Variants in MYT1L observed in about 807,000 individuals in gnomAD.
The protein encoded by MYT1L is myelin transcription factor 1-like protein.
In MYT1L, 12 loss-of-function variants were observed where a neutral mutation model predicts 126.7. That is an observed-to-expected ratio of 0.09 (90% confidence interval 0.06 to 0.15). The LOEUF (loss-of-function observed/expected upper bound fraction) is 0.15. MYT1L is among the 10% of genes least tolerant of loss of function. MYT1L has a pLI of 1.00. For synonymous variants in MYT1L, 541 were observed against 604.2 expected, an observed-to-expected ratio of 0.90 and a Z score of 1.53; for missense variants, 979 against 1,585.2, an observed-to-expected ratio of 0.62 and a Z score of 6.49.
intron 1 of MYT1L, among the ~76,000 whole-genome samples, chr2:2,328,830 TGTATAATGGCAGATGGAAA>T (rs1573633480): frequency 6.6e-6 from 1 of 152,230 alleles, no homozygotes; most frequent in Admixed American, 6.5e-5. Context: ...GTAAAATATG[TGTATAATGGCAGATGGAAA>T]GTCTTTACTA....
intron 5 of MYT1L, among the ~76,000 whole-genome samples, chr2:1,996,684 C>T (rs13386494): frequency 4.9e-5 from 6 of 122,914 alleles, no homozygotes; most frequent in African/African-American, 9.7e-5. Flanking sequence ...GTGTGGGCTG[C>T]ACAGAACCGA....
At chr2:2,277,482 A>G (rs2095380477) in intron 2 of MYT1L, among the ~76,000 whole-genome samples, 1 of 152,222 alleles carries the variant, frequency 6.6e-6, no homozygotes, top group Non-Finnish European at 1.5e-5. Flanking sequence ...CAGGTGCATC[A>G]TGGCCAGAAC....
At chr2:1,985,796 T>G (rs2060968107) in intron 5 of MYT1L, among the ~76,000 whole-genome samples, 1 of 152,160 alleles carries the variant, frequency 6.6e-6, no homozygotes, top group Non-Finnish European at 1.5e-5. Flanking sequence ...AGAGGGGAGC[T>G]CCATCATTTT....
At chr2:2,284,816 G>A (rs541064040) in intron 1 of MYT1L, among the ~76,000 whole-genome samples, 1 of 152,080 alleles carries the variant, frequency 6.6e-6, no homozygotes, top group South Asian at 2.1e-4. Context: ...CGATTCTCCT[G>A]CCTCAGCCTC....
intron 1 of MYT1L, among the ~76,000 whole-genome samples, chr2:2,296,001 C>T (rs952952851): frequency 2.0e-5 from 3 of 152,142 alleles, no homozygotes; most frequent in African/African-American, 7.2e-5. Context: ...ATTCCAAAGG[C>T]TGGCAACCCA....
At chr2:2,105,942 C>T (rs1435413025) in intron 3 of MYT1L, among the ~76,000 whole-genome samples, 2 of 152,150 alleles carry the variant, frequency 1.3e-5, no homozygotes, top group Non-Finnish European at 2.9e-5. Flanking sequence ...ATTCCCGAGA[C>T]AGGGTGATTC....
intron 2 of MYT1L, among the ~76,000 whole-genome samples, chr2:2,199,927 CA>C (rs1392004061): frequency 9.2e-5 from 14 of 152,178 alleles, no homozygotes; most frequent in Admixed American, 9.2e-4. Context: ...AGTGCTCCAA[CA>C]TTTCATCCAG....
At chr2:1,914,107 A>G (rs2052464483) in intron 11 of MYT1L, among the ~76,000 whole-genome samples, 1 of 152,020 alleles carries the variant, frequency 6.6e-6, no homozygotes, top group Admixed American at 6.5e-5. Flanking sequence ...TACAAAAATT[A>G]GCCAGCCGTG....
Position 1,979,221 on chromosome 2 carries a change from G to A in MYT1L, c.96C>T (p.Pro32=), listed in dbSNP as rs1395011808. 1.2e-6 allele frequency: 2 copies of A among 1,613,676 alleles called. No homozygotes were observed. The highest frequency in any genetic ancestry group is 1.7e-6 in the Non-Finnish European group (2 of 1,179,826). The change falls in exon 8 of 25, where the codon CCC becomes CCT. Residue 32 remains proline (P), a synonymous_variant. Coordinates refer to ENST00000647738, the MANE Select transcript of MYT1L (RefSeq NM_001303052.2). This position sits in a 1 kb window ranked among gnomAD's most constrained non-coding sequence, Gnocchi z 4.0. ...EPAIQELFSC[P]TPGCDGSGHV... ...GACCACTGCCGTCACAGCCAGGGGT[G>A]GGACAGCTGCAACAGGAAAGAATGG...
At chr2:2,076,823 C>T (rs199677737) in intron 3 of MYT1L, among the ~76,000 whole-genome samples, 1 of 141,518 alleles carries the variant, frequency 7.1e-6, no homozygotes, top group African/African-American at 2.7e-5. Flanking sequence ...CACACACACA[C>T]GAGAGAAAAA....
intron 3 of MYT1L, among the ~76,000 whole-genome samples, chr2:2,161,681 G>C (rs967281240): frequency 1.3e-5 from 2 of 152,202 alleles, no homozygotes; most frequent in Admixed American, 1.3e-4. Flanking sequence ...CTGGGTATGC[G>C]GCAATAGAGC....
intron 1 of MYT1L, among the ~76,000 whole-genome samples, chr2:2,297,187 C>T (rs981776713): frequency 6.6e-6 from 1 of 152,242 alleles, no homozygotes. Context: ...TCACCCGTGG[C>T]GCCGCTCTGA....
chr2:2,025,635 T>C (rs2065465123), intron 4 of MYT1L, among the ~76,000 whole-genome samples: 1 of 152,142 alleles, frequency 6.6e-6, no homozygotes, highest in South Asian at 2.1e-4. Flanking sequence ...GGGACATCAA[T>C]ACGCCCAAGT....
intron 2 of MYT1L, among the ~76,000 whole-genome samples, chr2:2,175,052 G>A (rs942388874): frequency 1.3e-5 from 2 of 152,082 alleles, no homozygotes; most frequent in African/African-American, 4.8e-5. Context: ...CTTTCTATGT[G>A]TGTTGTATGT....
At chr2:2,097,785 T>C (rs1314194472) in intron 3 of MYT1L, among the ~76,000 whole-genome samples, 1 of 152,120 alleles carries the variant, frequency 6.6e-6, no homozygotes, top group Non-Finnish European at 1.5e-5. Flanking sequence ...GTATACGATG[T>C]AGTGTGCATG....
At chr2:2,065,111 T>G (rs1264527025) in intron 3 of MYT1L, among the ~76,000 whole-genome samples, 9 of 152,072 alleles carry the variant, frequency 5.9e-5, no homozygotes, top group Admixed American at 3.9e-4. Context: ...GGTAGAAGCA[T>G]AACTTGGGCC....
chr2:2,309,536 A>G (rs1053354889), intron 1 of MYT1L, among the ~76,000 whole-genome samples: 2 of 151,530 alleles, frequency 1.3e-5, no homozygotes, highest in African/African-American at 4.9e-5. Context: ...CTTACACTTC[A>G]TTATACTCTA....
rs898467543 is a variant in MYT1L at position 1,979,328 on chromosome 2, G to T, written c.90-101C>A. 5.1e-6 allele frequency: 6 copies of T among 1,187,960 alleles called. No homozygotes were observed. Among genetic ancestry groups the T allele is most frequent in the Non-Finnish European group, 4.9e-6 (4 of 811,524 alleles). The allele number at this position is 1,187,960 out of a possible 1,614,324, so 73.6% of individuals were successfully genotyped here. ...GAAGGAGGGCGGCTCAGACAGAGGA[G>T]AGAAATCACACAATCCAAAGGAGGG... On this transcript the variant is annotated intron_variant, in intron 7 of 24. Transcript: ENST00000647738. This position sits in a 1 kb window ranked among gnomAD's most constrained non-coding sequence, Gnocchi z 4.0.
chr2:1,922,294 T>C lies in MYT1L; in HGVS notation c.1475A>G (p.Tyr492Cys). ...SSDSHVKKPY[Y>C]GKDPSRTEKK... ...TTAGGTAGAAATATTACCTTTACCA[T>C]AGTATGGCTTTTTGACATGGCTGTC... The change falls in exon 10 of 25, where the codon TAT (tyrosine) becomes TGT (cysteine). Residue 492 changes from tyrosine to cysteine, a missense_variant. By Grantham distance (194) the Tyr-to-Cys change is radical. Around this residue, in one of 12 missense-constraint regions of MYT1L, gnomAD observed 67 missense variants for 80.3 expected, o/e 0.83. Coordinates refer to ENST00000647738, the MANE Select transcript of MYT1L (RefSeq NM_001303052.2). The surrounding 1 kb of genome is among the most constrained non-coding windows in gnomAD (Gnocchi z 7.4). 2 of 1,613,722 alleles carry C rather than the reference T, an allele frequency of 1.2e-6. No individual in the cohort carries two copies. The highest frequency in any genetic ancestry group is 1.1e-5 in the South Asian group (1 of 91,070).
Sources: allele counts gnomAD v4.1 joint callset (sites outside exome capture counted in the v4.1 genomes callset), GRCh38; gene constraint gnomAD v4.1.1; regional missense constraint gnomAD v4.1.1; non-coding constraint Gnocchi (gnomAD v3.1); transcripts MANE v1.5; gene names NCBI Gene and HGNC (gene_info 2026-07-23, HGNC 2026-07-21).